The following EVL variants were observed in gnomAD, a reference collection of about 807,000 sequenced individuals.
EVL encodes the protein Enah/Vasp-like, also known as ena/VASP-like protein.
In EVL, 21 loss-of-function variants were observed where a neutral mutation model predicts 59.6. The observed-to-expected ratio is 0.35, with a 90% CI of 0.25 to 0.51. The LOEUF (loss-of-function observed/expected upper bound fraction) is 0.51. Ranked by LOEUF, EVL falls within the 20% of genes least tolerant of loss-of-function variation. The pLI, the probability that EVL is intolerant of heterozygous loss-of-function variation, is 0.97. For synonymous variants in EVL, 198 were observed against 203.5 expected (o/e 0.97, Z 0.23); for missense variants, 462 against 546.6 (o/e 0.85, Z 1.54).
intron 2 of EVL, among the ~76,000 whole-genome samples, chr14:100,086,217 T>G (rs545428041): frequency 1.3e-4 from 20 of 152,362 alleles, no homozygotes; most frequent in Admixed American, 1.1e-3. Context: ...GGTATAAATG[T>G]CTTTCTAGAA....
chr14:100,065,327 T>G (rs2061907865), upstream of EVL: 1 of 538,432 alleles, frequency 1.9e-6, no homozygotes, highest in Non-Finnish European at 2.8e-6. Context: ...AGTTTTTCAC[T>G]TGGGTTTGTT....
Position 100,137,682 on chromosome 14 carries a change from T to C in EVL, c.1031+38T>C, listed in dbSNP as rs760879197. 6.8e-6 allele frequency: 11 copies of C among 1,614,050 alleles called. 1 individual carries two copies. The South Asian group carries it at 1.2e-4, about 18-fold the overall frequency. ...AGGAAGGCCTGAGCAGCGAGGCTGG[T>C]GGGGCAGAGGCGGGCGCTGGCGCCG... On this transcript the variant is annotated intron_variant, in intron 10 of 13. Transcript: ENST00000392920.
At chr14:99,997,483 T>C (rs1045215068) in intron 1 of EVL, among the ~76,000 whole-genome samples, 1 of 152,262 alleles carries the variant, frequency 6.6e-6, no homozygotes, top group Non-Finnish European at 1.5e-5. Flanking sequence ...TTAGTGTCCA[T>C]TGACCAAGAT....
At chr14:100,107,424 C>T in intron 3 of EVL, 1 of 397,794 alleles carries the variant, frequency 2.5e-6, no homozygotes, top group Admixed American at 4.4e-5. Context: ...TGTCATGAGA[C>T]TGGGTTTACA....
In EVL at chr14:100,143,870, G is replaced by C; in HGVS notation, c.*132G>C. 9.2e-7 allele frequency: 1 copy of C among 1,091,626 alleles called. No individual in the cohort carries two copies. 67.6% of individuals were successfully genotyped at this position (1,091,626 alleles called of 1,614,324 possible). A position where few individuals can be genotyped will look rare whatever the true frequency, so the allele number is the denominator to read the frequency against. On this transcript the variant is annotated 3_prime_UTR_variant, in exon 14 of 14. Coordinates refer to ENST00000392920, the MANE Select transcript of EVL (RefSeq NM_016337.3). ...TGGGCGCGCTGCTGTGAAACGTCCTGACCTGTGATCACACATGACAGTGAG... is the reference window on the plus strand; with the variant it reads ...TGGGCGCGCTGCTGTGAAACGTCCTCACCTGTGATCACACATGACAGTGAG...
intron 1 of EVL, among the ~76,000 whole-genome samples, chr14:99,993,685 C>CTTTTTTTTTTTTTTTTTTTTTTT (rs532512303): frequency 7.7e-5 from 6 of 78,306 alleles, no homozygotes; most frequent in Admixed American, 1.4e-4. Context: ...TTCTTTCTTT[C>CTTTTTTTTTTTTTTTTTTTTTTT]TTTTTTTTTT....
chr14:100,018,256 C>T (rs145379044), intron 1 of EVL, among the ~76,000 whole-genome samples: 50 of 152,282 alleles, frequency 3.3e-4, no homozygotes, highest in African/African-American at 1.2e-3. Flanking sequence ...GGGAGCAGCA[C>T]GTGGGCAGCG....
intron 1 of EVL, among the ~76,000 whole-genome samples, chr14:99,991,413 A>G (rs2060874903): frequency 6.6e-6 from 1 of 152,252 alleles, no homozygotes; most frequent in Admixed American, 6.5e-5. Context: ...CATCAGAATC[A>G]TCTGAATCAT....
chr14:100,124,961 G>A (rs1424471933), intron 4 of EVL, among the ~76,000 whole-genome samples: 1 of 151,634 alleles, frequency 6.6e-6, no homozygotes, highest in East Asian at 1.9e-4. Context: ...ACCACGTACG[G>A]ACGGACACAC....
At chr14:100,004,303 G>A (rs1193742123) in intron 1 of EVL, among the ~76,000 whole-genome samples, 9 of 152,138 alleles carry the variant, frequency 5.9e-5, no homozygotes, top group Admixed American at 5.2e-4. Context: ...AAAATGAGTC[G>A]AAGGAGGGCA....
rs182963413 is a variant in EVL at position 100,090,303 on chromosome 14, G to A, written c.180+5448G>A. 4.6e-5 allele frequency among the ~76,000 whole-genome samples: 7 copies of A among 152,238 alleles called. No homozygotes were observed. The East Asian group carries it at 7.7e-4, about 17-fold the overall frequency. ...CTATAAACTAAAAACATAGAATATC[G>A]TTAGTAATAACCTTGTGCCGGTAAA... On this transcript the variant is annotated intron_variant, in intron 2 of 13. Transcript: ENST00000392920.
At chr14:100,094,779 C>T (rs1206811743) in intron 2 of EVL, among the ~76,000 whole-genome samples, 35 of 147,154 alleles carry the variant, frequency 2.4e-4, no homozygotes, top group African/African-American at 6.6e-4. Flanking sequence ...CGGTGGCTCA[C>T]GCCTGTAATC....
At chr14:100,007,525 C>T (rs1191709730) in intron 1 of EVL, among the ~76,000 whole-genome samples, 2 of 152,224 alleles carry the variant, frequency 1.3e-5, no homozygotes, top group Non-Finnish European at 2.9e-5. Context: ...TATCTACTCA[C>T]ATCATGGCAC....
At chr14:100,034,183 T>G (rs919124791) in intron 1 of EVL, among the ~76,000 whole-genome samples, 84 of 143,574 alleles carry the variant, frequency 5.9e-4, no homozygotes, top group Middle Eastern at 3.6e-3. Flanking sequence ...TGCAATGAGC[T>G]GAAATCACGC....
At chr14:100,102,356 A>G (rs1339627098) in intron 3 of EVL, 1 of 456,044 alleles carries the variant, frequency 2.2e-6, no homozygotes, top group South Asian at 1.5e-5. Context: ...CCACAAATGA[A>G]TGGAGGCAGC....
intron 1 of EVL, among the ~76,000 whole-genome samples, chr14:100,007,532 G>A (rs1031820816): frequency 6.6e-6 from 1 of 152,194 alleles, no homozygotes; most frequent in Non-Finnish European, 1.5e-5. Flanking sequence ...TCACATCATG[G>A]CACTCATGAA....
chr14:100,129,490 TC>T, intron 6 of EVL, 72 bp from the exon 7 acceptor site: 1 of 1,600,176 alleles, frequency 6.2e-7, no homozygotes, highest in African/African-American at 1.3e-5. Context: ...GTCCCCTGCA[TC>T]CCCTCACATC....
At chr14:100,112,928 A>G (rs1034904891) in intron 3 of EVL, among the ~76,000 whole-genome samples, 2 of 152,208 alleles carry the variant, frequency 1.3e-5, no homozygotes, top group African/African-American at 4.8e-5. Context: ...ACCAGAACAC[A>G]AAGATGAATA....
chr14:100,101,983 G>T (rs138776000), intron 3 of EVL, among the ~76,000 whole-genome samples: 1 of 151,998 alleles, frequency 6.6e-6, no homozygotes, highest in Admixed American at 6.6e-5. Context: ...GATTACAGGC[G>T]CCCACCACTA....
Sources: allele counts gnomAD v4.1 joint callset (sites outside exome capture counted in the v4.1 genomes callset), GRCh38; gene constraint gnomAD v4.1.1; transcripts MANE v1.5; gene names NCBI Gene and HGNC (gene_info 2026-07-23, HGNC 2026-07-21).